Variants in PAMR1 observed in about 807,000 individuals in gnomAD.
PAMR1 encodes the protein peptidase domain containing associated with muscle regeneration 1.
In PAMR1, 88 loss-of-function variants were observed where a neutral mutation model predicts 81.8. The observed-to-expected ratio is 1.08, with a 90% CI of 0.91 to 1.28. The LOEUF (loss-of-function observed/expected upper bound fraction) is 1.28, where lower values mean the gene tolerates loss of function less well. PAMR1 is among the 50% of genes most tolerant of loss of function. The pLI, the probability that PAMR1 is intolerant of heterozygous loss-of-function variation, is 0.00. For missense variants in PAMR1, 935 were observed against 919.7 expected, an observed-to-expected ratio of 1.02 and a Z score of -0.21; for synonymous variants, 336 against 345.3, an observed-to-expected ratio of 0.97 and a Z score of 0.30.
intron 1 of PAMR1, among the ~76,000 whole-genome samples, chr11:35,520,109 C>A (rs1380227025): frequency 6.6e-6 from 1 of 152,168 alleles, no homozygotes; most frequent in East Asian, 1.9e-4. Flanking sequence ...GATAGCCAAA[C>A]TTGGGATTCA....
At chr11:35,477,790 C>G (rs557116854) in intron 3 of PAMR1, among the ~76,000 whole-genome samples, 1 of 152,284 alleles carries the variant, frequency 6.6e-6, no homozygotes, top group East Asian at 1.9e-4. Flanking sequence ...CATTCTGACC[C>G]AGTCCTCTCC....
At chr11:35,451,974 A>G in intron 6 of PAMR1, 1 of 663,566 alleles carries the variant, frequency 1.5e-6, no homozygotes, top group Non-Finnish European at 2.7e-6. Context: ...TAAGTCACCC[A>G]GTCTATGGTA....
chr11:35,506,124 A>G (rs1284663594), intron 1 of PAMR1, among the ~76,000 whole-genome samples: 149 of 134,456 alleles, frequency 1.1e-3, no homozygotes, highest in African/African-American at 4.0e-3. Flanking sequence ...ACTAAAAAAA[A>G]AAAACAGGAA....
At chr11:35,439,584 A>C (rs754852569) in intron 8 of PAMR1, 43 bp downstream of exon 8, 1 of 1,482,784 alleles carries the variant, frequency 6.7e-7, no homozygotes, top group Non-Finnish European at 9.4e-7. Context: ...AAGGGGAAAT[A>C]CTCATTAGCC....
At chr11:35,522,567 G>T (rs1401761293) in intron 1 of PAMR1, among the ~76,000 whole-genome samples, 1 of 152,188 alleles carries the variant, frequency 6.6e-6, no homozygotes, top group African/African-American at 2.4e-5. Context: ...TCCGTCGTAG[G>T]TGTATACTGT....
chr11:35,502,300 G>A (rs138584233), intron 1 of PAMR1, among the ~76,000 whole-genome samples: 90 of 151,880 alleles, frequency 5.9e-4, no homozygotes, highest in African/African-American at 1.9e-3. Context: ...AACATGTGCC[G>A]GTTTGTTACA....
chr11:35,522,962 A>G (rs994578757), intron 1 of PAMR1, among the ~76,000 whole-genome samples: 7 of 152,176 alleles, frequency 4.6e-5, no homozygotes, highest in African/African-American at 1.7e-4. Flanking sequence ...GAATTGAGGG[A>G]CTCATACTAA....
In PAMR1 at chr11:35,432,631, A is replaced by T; in HGVS notation, c.1888T>A (p.Cys630Ser). 6.2e-7 allele frequency: 1 copy of T among 1,614,040 alleles called. No individual in the cohort carries two copies. The highest frequency in any genetic ancestry group is 1.1e-5 in the South Asian group (1 of 91,048). Residue 630 changes from cysteine to serine, a missense_variant, in exon 11 of 11, where the codon TGT becomes AGT. Coordinates refer to ENST00000619888, the MANE Select transcript of PAMR1 (RefSeq NM_001001991.3). Reference protein sequence around the residue: ...GVVSVVDSLLCEEQHEDHGIP... With the variant: ...GVVSVVDSLLSEEQHEDHGIP... ...CCATGGTCCTCATGCTGCTCCTCAC[A>T]CAGCAGCGAGTCCACCACACTGACC...
chr11:35,478,051 C>T (rs929751708), intron 3 of PAMR1, among the ~76,000 whole-genome samples: 3 of 152,188 alleles, frequency 2.0e-5, no homozygotes, highest in Non-Finnish European at 2.9e-5. Context: ...TAAATCCCAG[C>T]TCCCTCAGCA....
intron 3 of PAMR1, among the ~76,000 whole-genome samples, chr11:35,476,496 G>A (rs1850287327): frequency 6.6e-6 from 1 of 152,134 alleles, no homozygotes; most frequent in East Asian, 1.9e-4. Flanking sequence ...GCCATGTGAA[G>A]AAGGACGCGT....
chr11:35,470,744 CG>C lies in PAMR1; in HGVS notation c.568del (p.Arg190AlafsTer21). The C allele has an allele frequency of 6.2e-7, 1 of 1,614,046 alleles. No homozygotes were observed. The highest frequency in any genetic ancestry group is 8.5e-7 in the Non-Finnish European group (1 of 1,179,982). On this transcript the variant is annotated frameshift_variant, in exon 5 of 11. Transcript: ENST00000619888. LOFTEE classifies it high-confidence loss of function. ...DYVEVRDGDN[R>X]DGQIIKRVCG... is the part of the protein sequence containing the mutation. ...GACACGCTTGATGATCTGGCCATCGCGGTTGTCTCCATCACGAACCTCAACA... is the reference window on the plus strand; with the variant it reads ...GACACGCTTGATGATCTGGCCATCGCGTTGTCTCCATCACGAACCTCAACA...
intron 1 of PAMR1, among the ~76,000 whole-genome samples, chr11:35,497,417 G>A (rs1247479624): frequency 6.6e-6 from 1 of 152,182 alleles, no homozygotes; most frequent in Non-Finnish European, 1.5e-5. Flanking sequence ...ACCAGGAGCT[G>A]GGGGAAAGCT....
At chr11:35,481,475 CAT>C (rs1555038852) in intron 3 of PAMR1, among the ~76,000 whole-genome samples, 2 of 151,704 alleles carry the variant, frequency 1.3e-5, no homozygotes, top group African/African-American at 2.4e-5. Flanking sequence ...AGCTTTTTTT[CAT>C]ATGTTTGTTG....
rs35438792 is a variant in PAMR1, at chr11:35,443,180, C to CT, written c.821-1488dup. ...ACAGTCTCTGTGCAATGCAACTGTG[C>CT]TTTTTTTTTTTCCTTCCTTCTTTTT... On this transcript the variant is annotated intron_variant, in intron 6 of 10. Transcript: ENST00000619888. Among the ~76,000 whole-genome samples, 294 of 148,162 alleles carry CT rather than the reference C, an allele frequency of 2.0e-3. 7 individuals are homozygous for CT. The East Asian group carries it at 0.029, about 15-fold the overall frequency.
chr11:35,449,902 C>G (rs576325577), intron 6 of PAMR1, among the ~76,000 whole-genome samples: 1 of 152,080 alleles, frequency 6.6e-6, no homozygotes, highest in Non-Finnish European at 1.5e-5. Flanking sequence ...CTTTTCCTTG[C>G]TTTCCATGGG....
intron 1 of PAMR1, among the ~76,000 whole-genome samples, chr11:35,497,668 T>A (rs1419095947): frequency 6.6e-6 from 1 of 152,192 alleles, no homozygotes; most frequent in East Asian, 1.9e-4. Context: ...TTCCTATAGG[T>A]AAAATGTTTT....
At chr11:35,439,538 T>C (rs1314082551) in intron 8 of PAMR1, 89 bp downstream of exon 8, 3 of 1,068,590 alleles carry the variant, frequency 2.8e-6, no homozygotes, top group Non-Finnish European at 4.4e-6. Context: ...TCAAACTGAC[T>C]ATCTTTGGCC....
chr11:35,448,866 T>C (rs1463795046), intron 6 of PAMR1, among the ~76,000 whole-genome samples: 1 of 152,242 alleles, frequency 6.6e-6, no homozygotes, highest in Non-Finnish European at 1.5e-5. Context: ...TTTCTGTTTT[T>C]CTTTTAACAG....
chr11:35,434,810 G>A lies in PAMR1; in HGVS notation c.1334-6C>T, dbSNP rs201251563. ...GTTCTCAATTTTCCCGCAGACTATG[G>A]AGAAAGTACCAGCTTAGTAAGATAA... is the stretch of plus-strand genomic sequence containing the variant. On this transcript the variant is annotated splice_region_variant and splice_polypyrimidine_tract_variant and intron_variant, in intron 9 of 10. Coordinates refer to ENST00000619888, the MANE Select transcript of PAMR1 (RefSeq NM_001001991.3). 6.2e-7 allele frequency: 1 copy of A among 1,610,602 alleles called. No individual in the cohort carries two copies. Among genetic ancestry groups the A allele is most frequent in the Non-Finnish European group, 8.5e-7 (1 of 1,177,256 alleles).
Sources: allele counts gnomAD v4.1 joint callset (sites outside exome capture counted in the v4.1 genomes callset), GRCh38; gene constraint gnomAD v4.1.1; transcripts MANE v1.5; gene names NCBI Gene and HGNC (gene_info 2026-07-23, HGNC 2026-07-21).